CSMD1: variants seen among roughly 807,000 people sequenced by gnomAD.
The protein encoded by CSMD1 is CUB and Sushi multiple domains 1, also known as CUB and sushi domain-containing protein 1.
CSMD1 carries 213 observed loss-of-function variants against 417.5 expected under a neutral mutation model. The ratio of observed to expected loss-of-function variants is 0.51; its 90% CI spans 0.46 to 0.57. The LOEUF (loss-of-function observed/expected upper bound fraction) is 0.57. Ranked by LOEUF, CSMD1 falls within the 20% of genes least tolerant of loss-of-function variation. CSMD1 has a pLI of 0.00. For synonymous variants in CSMD1, 2,862 were observed against 1,736.8 expected (o/e 1.65, Z -16.11); for missense variants, 6,923 against 4,529.7 (o/e 1.53, Z -15.17).
chr8:3,926,714 C>CTTTTTTT (rs56721822), intron 5 of CSMD1, among the ~76,000 whole-genome samples: 8 of 103,494 alleles, frequency 7.7e-5, no homozygotes, highest in Admixed American at 1.2e-4. Flanking sequence ...AAATTGACAC[C>CTTTTTTT]TTTTTTTTTT....
chr8:3,356,469 G>C (rs1161460579), intron 21 of CSMD1, among the ~76,000 whole-genome samples: 1 of 152,182 alleles, frequency 6.6e-6, no homozygotes, highest in East Asian at 1.9e-4. Flanking sequence ...ATGGTCAGGA[G>C]TCCGAGACCA....
intron 20 of CSMD1, among the ~76,000 whole-genome samples, chr8:3,365,631 A>G (rs912245432): frequency 2.0e-5 from 3 of 152,212 alleles, no homozygotes; most frequent in African/African-American, 7.2e-5. Flanking sequence ...AATGTTAGGT[A>G]TATCATGAAA....
chr8:4,024,964 C>G (rs567327925), intron 4 of CSMD1, among the ~76,000 whole-genome samples: 3 of 152,190 alleles, frequency 2.0e-5, no homozygotes, highest in African/African-American at 2.4e-5. Flanking sequence ...GTCTGAAGTA[C>G]GATTGGCCTG....
chr8:3,790,066 T>A (rs1020149280), intron 5 of CSMD1, among the ~76,000 whole-genome samples: 1 of 152,212 alleles, frequency 6.6e-6, no homozygotes, highest in Non-Finnish European at 1.5e-5. Context: ...AATTAGAGAA[T>A]GTCAATGAAG....
At chr8:3,532,573 T>G (rs1036632307) in intron 10 of CSMD1, among the ~76,000 whole-genome samples, 1 of 152,208 alleles carries the variant, frequency 6.6e-6, no homozygotes, top group Non-Finnish European at 1.5e-5. Flanking sequence ...ACACAGGATT[T>G]GATGAGTGAT....
intron 54 of CSMD1, among the ~76,000 whole-genome samples, chr8:2,981,076 T>C (rs1805373343): frequency 1.3e-5 from 2 of 152,144 alleles, no homozygotes; most frequent in Admixed American, 1.3e-4. Flanking sequence ...ATTCTGAGGC[T>C]CCAATAGGAG....
chr8:3,829,955 T>A (rs991640977), intron 5 of CSMD1, among the ~76,000 whole-genome samples: 3 of 152,188 alleles, frequency 2.0e-5, no homozygotes, highest in Non-Finnish European at 2.9e-5. Flanking sequence ...TCAAGGAAAA[T>A]TAAAAATTTT....
chr8:4,634,999 G>A (rs766469048), intron 2 of CSMD1, among the ~76,000 whole-genome samples: 1 of 152,078 alleles, frequency 6.6e-6, no homozygotes, highest in Non-Finnish European at 1.5e-5. Flanking sequence ...CTACGTATGC[G>A]GATAGGAGGA....
chr8:4,693,829 TCC>T (rs1806940726), intron 1 of CSMD1, among the ~76,000 whole-genome samples: 1 of 21,488 alleles, frequency 4.7e-5, no homozygotes, highest in South Asian at 1.8e-3. Flanking sequence ...GGTGTGCACC[TCC>T]ATGCCTGGCC....
Position 4,924,701 on chromosome 8 carries a change from G to C in CSMD1, c.85+69631C>G, listed in dbSNP as rs148319502. On this transcript the variant is annotated intron_variant, in intron 1 of 69. Transcript: ENST00000635120. ...CGCACCATTGCACTCTAGCCTGGGA[G>C]ACAAGAATGAAACTCCATCTCAAAA... is the stretch of plus-strand genomic sequence containing the variant. 6.0e-3 allele frequency among the ~76,000 whole-genome samples: 273 copies of C among 45,552 alleles called. 9 individuals are homozygous for C. The East Asian group carries it at 0.09, about 15-fold the overall frequency. The allele number at this position is 45,552 out of a possible 152,430, so 29.9% of individuals were successfully genotyped here. A position where few individuals can be genotyped will look rare whatever the true frequency, so the allele number is the denominator to read the frequency against.
chr8:4,067,015 A>T (rs778046216), intron 3 of CSMD1, among the ~76,000 whole-genome samples: 6 of 152,254 alleles, frequency 3.9e-5, no homozygotes, highest in Admixed American at 6.5e-5. Flanking sequence ...AGACAACATG[A>T]GCTCTTAGTT....
At chr8:3,600,479 T>C (rs1215816010) in intron 8 of CSMD1, among the ~76,000 whole-genome samples, 1 of 152,056 alleles carries the variant, frequency 6.6e-6, no homozygotes, top group Non-Finnish European at 1.5e-5. Context: ...TCATTCAGGG[T>C]TGATTGGAAA....
chr8:3,735,383 T>C (rs1399144852), intron 6 of CSMD1, among the ~76,000 whole-genome samples: 2 of 152,178 alleles, frequency 1.3e-5, no homozygotes, highest in Non-Finnish European at 2.9e-5. Flanking sequence ...ATCCTGGAAG[T>C]TGAGCAACTG....
chr8:4,078,896 A>AATAT (rs1173719388), intron 3 of CSMD1, among the ~76,000 whole-genome samples: 825 of 42,416 alleles, frequency 0.019, 12 homozygotes, highest in Non-Finnish European at 0.022. Flanking sequence ...AATAATAATA[A>AATAT]ATATATATAT....
intron 1 of CSMD1, among the ~76,000 whole-genome samples, chr8:4,820,640 C>A (rs1313007191): frequency 6.6e-6 from 1 of 152,130 alleles, no homozygotes; most frequent in Admixed American, 6.6e-5. Flanking sequence ...TTGAAAAATT[C>A]AGAATGATTC....
chr8:4,280,967 T>G (rs1310175978), intron 3 of CSMD1, among the ~76,000 whole-genome samples: 1 of 152,224 alleles, frequency 6.6e-6, no homozygotes, highest in Admixed American at 6.5e-5. Context: ...CTTGAAAGTT[T>G]CCCAGTAATA....
Position 3,087,146 on chromosome 8 carries a change from T to C in CSMD1, c.7425A>G (p.Arg2475=). The change falls in exon 49 of 70, where the codon CGA becomes CGG. Residue 2475 remains arginine, a synonymous_variant. Transcript: ENST00000635120. ...MVGHSNATCR[R]NPLGMYQWDS... ...CCCACTGGTACATGCCAAGTGGGTT[T>C]CGTCTACAGGTTGCATTGCTGTGGC... The C allele has an allele frequency of 6.2e-7, 1 of 1,613,808 alleles. No homozygotes were observed. Among genetic ancestry groups the C allele is most frequent in the South Asian group, 1.1e-5 (1 of 91,062 alleles).
At chr8:3,055,862 T>A (rs10866945) in intron 49 of CSMD1, among the ~76,000 whole-genome samples, 1 of 152,112 alleles carries the variant, frequency 6.6e-6, no homozygotes, top group Non-Finnish European at 1.5e-5. Context: ...TGGCTTCAGC[T>A]AACTTACTTA....
intron 1 of CSMD1, among the ~76,000 whole-genome samples, chr8:4,673,855 C>A (rs892955981): frequency 6.6e-6 from 1 of 151,920 alleles, no homozygotes; most frequent in Non-Finnish European, 1.5e-5. Flanking sequence ...AGGGACTGCC[C>A]GTGATGGAAG....
Sources: allele counts gnomAD v4.1 joint callset (sites outside exome capture counted in the v4.1 genomes callset), GRCh38; gene constraint gnomAD v4.1.1; transcripts MANE v1.5; gene names NCBI Gene and HGNC (gene_info 2026-07-23, HGNC 2026-07-21).